The following GOLGA3 variants were observed in gnomAD, a reference collection of about 807,000 sequenced individuals.
GOLGA3 encodes the protein golgin A3, also known as golgin subfamily A member 3.
GOLGA3 carries 75 observed loss-of-function variants against 169.4 expected under a neutral mutation model. The ratio of observed to expected loss-of-function variants is 0.44; its 90% CI spans 0.37 to 0.54. GOLGA3 has a LOEUF of 0.54. Ranked by LOEUF, GOLGA3 falls within the 20% of genes least tolerant of loss-of-function variation. GOLGA3 has a pLI of 0.00. For synonymous variants in GOLGA3, 824 were observed against 822.4 expected (o/e 1.00, Z -0.03); for missense variants, 1,899 against 1,930.0 (o/e 0.98, Z 0.30).
chr12:132,811,157 T>C (rs1432771789), intron 4 of GOLGA3, among the ~76,000 whole-genome samples: 1 of 152,156 alleles, frequency 6.6e-6, no homozygotes, highest in Non-Finnish European at 1.5e-5. Flanking sequence ...CAGCACAGCC[T>C]GACATTCGGG....
intron 1 of GOLGA3, among the ~76,000 whole-genome samples, chr12:132,823,729 C>A (rs1366913190): frequency 6.6e-6 from 1 of 150,868 alleles, no homozygotes; most frequent in East Asian, 2.0e-4. Context: ...GGAGGTTGCA[C>A]TGAACCAAGA....
At position 132,817,107 on chromosome 12, in the gene GOLGA3, C is replaced by G. The variant is rs1398689608; in HGVS notation, c.134-295G>C. On this transcript the variant is annotated intron_variant, in intron 2 of 23. Coordinates refer to ENST00000450791, the MANE Select transcript of GOLGA3 (RefSeq NM_001389683.1). ...CGCCCTCCACACCTCTACGCTCTAA[C>G]GTGAACTCACCCTCCACACCTCCAC... is the stretch of plus-strand genomic sequence containing the variant. Among the ~76,000 whole-genome samples, 104 of 121,458 alleles carry G rather than the reference C, an allele frequency of 8.6e-4. No homozygotes were observed. In the Middle Eastern group the frequency reaches 0.02, roughly 24 times the overall value. 79.7% of individuals were successfully genotyped at this position (121,458 alleles called of 152,430 possible). A position where few individuals can be genotyped will look rare whatever the true frequency, so the allele number is the denominator to read the frequency against.
Position 132,808,379 on chromosome 12 carries a change from T to C in GOLGA3, c.690A>G (p.Ala230=). 2 of 1,614,088 alleles carry C rather than the reference T, an allele frequency of 1.2e-6. No homozygotes were observed. Among genetic ancestry groups the C allele is most frequent in the Middle Eastern group, 1.6e-4 (1 of 6,062 alleles). Residue 230 remains alanine (A), a synonymous_variant, in exon 5 of 24, where the codon GCA becomes GCG. Transcript: ENST00000450791. ...TGGAAGTTTTTTTCTCCCTAGGATGTGCCGGAAGCCCCAGGCTGCCCACCT... is the reference window on the plus strand; with the variant it reads ...TGGAAGTTTTTTTCTCCCTAGGATGCGCCGGAAGCCCCAGGCTGCCCACCT... ...GPKVGSLGLP[A]HPREKKTSKS...
rs112073031 is a variant in GOLGA3, at chr12:132,813,422, G to A, written c.407-3C>T. 1.2e-4 allele frequency: 187 copies of A among 1,565,514 alleles called. 2 individuals carry two copies. In the African/African-American group the frequency reaches 2.0e-3, roughly 17 times the overall value. On this transcript the variant is annotated splice_polypyrimidine_tract_variant and splice_region_variant and intron_variant, in intron 3 of 23. Transcript: ENST00000450791. ...GGGCAGGGGAGAATCTGTAGAGCCT[G>A]CAGTGGGAAAAGGGCAATTTGGAAA...
intron 1 of GOLGA3, among the ~76,000 whole-genome samples, chr12:132,822,799 G>A (rs538226221): frequency 3.3e-5 from 5 of 152,310 alleles, no homozygotes; most frequent in Admixed American, 2.0e-4. Flanking sequence ...GTGAACACCT[G>A]TAATCCCAGC....
rs1043124 is a variant in GOLGA3, at chr12:132,769,585, C to T, written c.*3520G>A. ...CGTAGCATCAATCTCACATATACCACGGAAAAACACATGAAAACCAAGTTA... is the reference window on the plus strand; with the variant it reads ...CGTAGCATCAATCTCACATATACCATGGAAAAACACATGAAAACCAAGTTA... On this transcript the variant is annotated 3_prime_UTR_variant, in exon 24 of 24. Transcript: ENST00000450791. 0.12 allele frequency: 18,712 copies of T among 152,218 alleles called. 1,739 individuals are homozygous for T. Among genetic ancestry groups the T allele is most frequent in the East Asian group, 0.47 (2,408 of 5,170 alleles). 9.4% of individuals were successfully genotyped at this position (152,218 alleles called of 1,614,324 possible).
chr12:132,796,618 A>G lies in GOLGA3; in HGVS notation c.2021T>C (p.Leu674Pro). The G allele has an allele frequency of 6.2e-7, 1 of 1,614,034 alleles. No homozygotes were observed. Among genetic ancestry groups the G allele is most frequent in the Non-Finnish European group, 8.5e-7 (1 of 1,179,992 alleles). Residue 674 changes from leucine (L) to proline (P), a missense_variant, in exon 10 of 24, where the codon CTG becomes CCG. Physicochemically the swap from Leu to Pro is moderately conservative, Grantham distance 98. Transcript: ENST00000450791. The part of the protein sequence containing the change: ...TMVEEDLQRR[L>P]EEFEGERERL... ...CTCCCTCTCACCTTCAAACTCTTCC[A>G]GCCTCCTCTGAAGGTCCTCCTCCAC...
chr12:132,810,520 A>G (rs1039221182), intron 4 of GOLGA3, among the ~76,000 whole-genome samples: 14 of 152,188 alleles, frequency 9.2e-5, no homozygotes. Context: ...TTCCAATATT[A>G]TAATAATCCT....
intron 13 of GOLGA3, among the ~76,000 whole-genome samples, chr12:132,787,472 C>T (rs1035079223): frequency 1.3e-5 from 2 of 149,914 alleles, no homozygotes; most frequent in Non-Finnish European, 3.0e-5. Flanking sequence ...CCCCAGGACC[C>T]CTCCCCAAGA....
At chr12:132,806,692 C>T (rs1246680470) in intron 6 of GOLGA3, among the ~76,000 whole-genome samples, 1 of 152,226 alleles carries the variant, frequency 6.6e-6, no homozygotes, top group African/African-American at 2.4e-5. Context: ...AGATAAATAC[C>T]TAGCTCTTCA....
chr12:132,790,175 C>G (rs1053288544), intron 12 of GOLGA3, among the ~76,000 whole-genome samples: 1 of 148,434 alleles, frequency 6.7e-6, no homozygotes, highest in African/African-American at 2.5e-5. Flanking sequence ...ACTAAAAATG[C>G]AAAAAAAAAT....
intron 3 of GOLGA3, among the ~76,000 whole-genome samples, chr12:132,816,286 C>T (rs921294364): frequency 6.6e-6 from 1 of 152,274 alleles, no homozygotes; most frequent in Non-Finnish European, 1.5e-5. Context: ...ACAGGACATG[C>T]AGGCTGGCCT....
chr12:132,822,111 G>C lies in GOLGA3; in HGVS notation c.18C>G (p.Ala6=), dbSNP rs753169669. 44 of 1,606,248 alleles carry C rather than the reference G, an allele frequency of 2.7e-5. No individual in the cohort carries two copies. Among genetic ancestry groups the C allele is most frequent in the Non-Finnish European group, 3.6e-5 (42 of 1,177,090 alleles). Residue 6 remains alanine, a synonymous_variant, in exon 2 of 24, where the codon GCC becomes GCG. Transcript: ENST00000450791. ...TGTCCTCCTGGAGGCCATCTTGCTC[G>C]GCCGACGCGCCGTCCATGGTCAGGA... MDGAS[A]EQDGLQEDRS...
At chr12:132,796,313 A>G in intron 10 of GOLGA3, 93 bp from the exon 11 acceptor site, 1 of 1,424,830 alleles carries the variant, frequency 7.0e-7, no homozygotes, top group South Asian at 1.4e-5. Context: ...ATTTTGATGG[A>G]CACTATGGAG....
At chr12:132,807,577 G>A (rs1327012645) in intron 5 of GOLGA3, among the ~76,000 whole-genome samples, 1 of 152,104 alleles carries the variant, frequency 6.6e-6, no homozygotes, top group African/African-American at 2.4e-5. Flanking sequence ...TAGTAACACA[G>A]ACCATTGCTG....
rs773155071 is a variant in GOLGA3 at position 132,804,500 on chromosome 12, A to G, written c.1597+216T>C. Among the ~76,000 whole-genome samples the G allele has an allele frequency of 1.3e-4, 20 of 152,196 alleles. No homozygotes were observed. Among genetic ancestry groups the G allele is most frequent in the Non-Finnish European group, 2.4e-4 (16 of 68,032 alleles). ...ACATGCCGACAGAGCTGTCAGCACC[A>G]GGGAGGAGGGCGTGGCGAGGACCAG... is the stretch of plus-strand genomic sequence containing the variant. On this transcript the variant is annotated intron_variant, in intron 7 of 23. Transcript: ENST00000450791. The surrounding 1 kb of genome is among the most constrained non-coding windows in gnomAD (Gnocchi z 4.1).
chr12:132,787,605 T>TTCCCCGGAGACCCCGGGACCCC (rs2045971307), intron 13 of GOLGA3, among the ~76,000 whole-genome samples: 6 of 26,974 alleles, frequency 2.2e-4, no homozygotes, highest in African/African-American at 6.4e-4. Context: ...CCTGGGACCC[T>TTCCCCGGAGACCCCGGGACCCC]TCCCCGGAGA....
rs751037744 is a variant in GOLGA3 at position 132,780,825 on chromosome 12, C to T, written c.3555G>A (p.Lys1185=). Reference sequence around the variant, plus strand: ...GCTCCTTGAGGCTGTTCACCTTCTCCTTCTCCTTCTCTAGTGAGGCCTGCA... The same window carrying T: ...GCTCCTTGAGGCTGTTCACCTTCTCTTTCTCCTTCTCTAGTGAGGCCTGCA... ...QALQASLEKE[K]EKVNSLKEQV... Residue 1185 remains lysine, a synonymous_variant, in exon 18 of 24, where the codon AAG becomes AAA. Transcript: ENST00000450791. 2.5e-6 allele frequency: 4 copies of T among 1,611,286 alleles called. No homozygotes were observed. The East Asian group carries it at 8.9e-5, about 36-fold the overall frequency.
In GOLGA3 at chr12:132,777,625, G is replaced by C; in HGVS notation, c.3722+41C>G. The C allele has an allele frequency of 6.2e-7, 1 of 1,610,396 alleles. No homozygotes were observed. The highest frequency in any genetic ancestry group is 2.2e-5 in the East Asian group (1 of 44,872). ...GTGAATTAGACCCCGCCCATTGCCA[G>C]GACAGCCATGTTTGAGGGCTGGCGG... is the stretch of plus-strand genomic sequence containing the variant. On this transcript the variant is annotated intron_variant, in intron 19 of 23. Transcript: ENST00000450791. The surrounding 1 kb of genome is among the most constrained non-coding windows in gnomAD (Gnocchi z 4.7).
Sources: allele counts gnomAD v4.1 joint callset (sites outside exome capture counted in the v4.1 genomes callset), GRCh38; gene constraint gnomAD v4.1.1; non-coding constraint Gnocchi (gnomAD v3.1); transcripts MANE v1.5; gene names NCBI Gene and HGNC (gene_info 2026-07-23, HGNC 2026-07-21).